ST7: variants seen among roughly 807,000 people sequenced by gnomAD.
ST7 encodes the protein suppression of tumorigenicity 7.
Under a neutral mutation model 78.7 loss-of-function variants are expected in ST7, and 28 were observed. The observed-to-expected ratio is 0.36, with a 90% CI of 0.26 to 0.49. ST7 has a LOEUF of 0.49. Ranked by LOEUF, ST7 falls within the 20% of genes least tolerant of loss-of-function variation. The pLI is 0.99. For missense variants in ST7, 418 were observed against 696.0 expected (o/e 0.60, Z 4.49); for synonymous variants, 247 against 249.6 (o/e 0.99, Z 0.10).
At chr7:116,983,588 G>T (rs1794056755) in intron 1 of ST7, among the ~76,000 whole-genome samples, 1 of 152,012 alleles carries the variant, frequency 6.6e-6, no homozygotes, top group African/African-American at 2.4e-5. Context: ...CATGCAGCCT[G>T]CCCCCTGTTC....
chr7:117,087,308 A>G (rs887977900), intron 1 of ST7, among the ~76,000 whole-genome samples: 7 of 152,316 alleles, frequency 4.6e-5, no homozygotes, highest in Non-Finnish European at 8.8e-5. Context: ...AAATAGATTT[A>G]TTTTTATTTT....
At chr7:116,989,860 T>G (rs548569897) in intron 1 of ST7, among the ~76,000 whole-genome samples, 2 of 152,316 alleles carry the variant, frequency 1.3e-5, no homozygotes, top group Non-Finnish European at 2.9e-5. Flanking sequence ...TTTTTTTTCC[T>G]TGTGTCTGGT....
Position 117,020,649 on chromosome 7 carries a change from T to C in ST7, c.151+66958T>C, listed in dbSNP as rs1358432720. ...CTTCATGTAAGTAAATGGATCCCAC[T>C]TCTCTGCTATTTAGAAATCTGCTTG... is the stretch of plus-strand genomic sequence containing the variant. On this transcript the variant is annotated intron_variant, in intron 1 of 15. Coordinates refer to ENST00000323984, the MANE Select transcript of ST7 (RefSeq NM_001369598.1). 4 of 1,550,854 alleles carry C rather than the reference T, an allele frequency of 2.6e-6. No individual in the cohort carries two copies. In the Admixed American group the frequency reaches 7.8e-5, roughly 30 times the overall value.
chr7:117,189,358 A>G lies in ST7; in HGVS notation c.1116A>G (p.Thr372=). The G allele has an allele frequency of 6.2e-7, 1 of 1,609,760 alleles. No homozygotes were observed. Among genetic ancestry groups the G allele is most frequent in the Non-Finnish European group, 8.5e-7 (1 of 1,177,680 alleles). The part of the protein sequence containing the change: ...SLPKSATICY[T]AALLKARAVS... ...CAAAGTCAGCAACAATATGCTACAC[A>G]GCTGCTTTGCTCAAAGCAAGAGCTG... Residue 372 remains threonine (T), a synonymous_variant, in exon 11 of 16, where the codon ACA becomes ACG. Coordinates refer to ENST00000323984, the MANE Select transcript of ST7 (RefSeq NM_001369598.1).
rs557772994 is a variant in ST7, at chr7:117,115,952, T to G, written c.235-3609T>G. On this transcript the variant is annotated intron_variant, in intron 2 of 15. Coordinates refer to ENST00000323984, the MANE Select transcript of ST7 (RefSeq NM_001369598.1). ...ATCCCTCCCTTTCTCTCTCCATCTC[T>G]TCATCCAACATCAACTGAATGCTTA... is the stretch of plus-strand genomic sequence containing the variant. Among the ~76,000 whole-genome samples, 50 of 152,280 alleles carry G rather than the reference T, an allele frequency of 3.3e-4. No individual in the cohort carries two copies. The Middle Eastern group carries it at 0.017, about 52-fold the overall frequency.
chr7:117,098,660 G>A, intron 1 of ST7: 1 of 466,864 alleles, frequency 2.1e-6, no homozygotes, highest in Non-Finnish European at 3.2e-6. Context: ...TGTTCATTTT[G>A]GTATATTACT....
In ST7 at chr7:117,068,103, A is replaced by G. The variant is rs150317501; in HGVS notation, c.152-31659A>G. On this transcript the variant is annotated intron_variant, in intron 1 of 15. Coordinates refer to ENST00000323984, the MANE Select transcript of ST7 (RefSeq NM_001369598.1). The stretch of plus-strand genomic sequence containing the variant: ...GGCCTCTGGAAACCTCAGTTATGCT[A>G]TAAAGAGTAAAGGGCAACATCATAT... 7.5e-3 allele frequency among the ~76,000 whole-genome samples: 1,135 copies of G among 152,318 alleles called. 11 individuals carry two copies. The highest frequency in any genetic ancestry group is 0.026 in the African/African-American group (1,060 of 41,558).
intron 13 of ST7, among the ~76,000 whole-genome samples, chr7:117,212,543 AT>A (rs770557029): frequency 1.3e-5 from 2 of 152,202 alleles, no homozygotes; most frequent in Admixed American, 6.5e-5. Flanking sequence ...ATAAAATTAT[AT>A]TTTGTTGTTT....
At chr7:117,142,742 C>G (rs1452727148) in intron 9 of ST7, among the ~76,000 whole-genome samples, 1 of 151,976 alleles carries the variant, frequency 6.6e-6, no homozygotes, top group Non-Finnish European at 1.5e-5. Context: ...CTCCCGAGTA[C>G]CTGGGACTAC....
intron 9 of ST7, among the ~76,000 whole-genome samples, chr7:117,152,197 A>ATATATATG (rs1806329530): frequency 1.4e-5 from 1 of 73,300 alleles, no homozygotes; most frequent in African/African-American, 5.3e-5. Flanking sequence ...ATATATATAT[A>ATATATATG]TATATATATA....
chr7:117,106,723 C>A (rs1239848847), intron 2 of ST7, among the ~76,000 whole-genome samples: 4 of 150,816 alleles, frequency 2.7e-5, no homozygotes, highest in Non-Finnish European at 5.9e-5. Flanking sequence ...CGGGTTCACA[C>A]CATTCTCCTG....
chr7:117,069,017 G>A (rs1035538854), intron 1 of ST7, among the ~76,000 whole-genome samples: 3 of 152,212 alleles, frequency 2.0e-5, no homozygotes, highest in Non-Finnish European at 4.4e-5. Context: ...GCACTAGCAC[G>A]TGATACTAGT....
intron 13 of ST7, 177 bp from the exon 14 acceptor site, chr7:117,218,906 GA>G (rs1332762871): frequency 5.2e-6 from 3 of 576,276 alleles, no homozygotes; most frequent in Non-Finnish European, 9.2e-6. Flanking sequence ...ATGAATGTGT[GA>G]GTAATCCATC....
intron 1 of ST7, among the ~76,000 whole-genome samples, chr7:116,986,989 GC>G (rs1794219387): frequency 6.6e-6 from 1 of 152,144 alleles, no homozygotes; most frequent in Non-Finnish European, 1.5e-5. Flanking sequence ...AATTCTCTGA[GC>G]CCTTTCACAT....
chr7:117,180,088 T>C (rs1808634697), intron 10 of ST7, among the ~76,000 whole-genome samples: 1 of 152,194 alleles, frequency 6.6e-6, no homozygotes, highest in African/African-American at 2.4e-5. Context: ...TGGGAAAACT[T>C]CTTATTTTAA....
At chr7:117,022,388 T>C (rs1412281704) in intron 1 of ST7, among the ~76,000 whole-genome samples, 2 of 152,210 alleles carry the variant, frequency 1.3e-5, no homozygotes, top group African/African-American at 2.4e-5. Context: ...TGTATACCTA[T>C]GTAACAAACC....
intron 1 of ST7, among the ~76,000 whole-genome samples, chr7:116,969,066 G>T (rs939232733): frequency 5.3e-5 from 8 of 152,352 alleles, no homozygotes; most frequent in Admixed American, 5.2e-4. Flanking sequence ...TTCGCCACAA[G>T]TGTTCATATT....
chr7:117,222,084 G>C (rs1793133602), intron 15 of ST7, 22 bp downstream of exon 15: 1 of 1,588,332 alleles, frequency 6.3e-7, no homozygotes, highest in Non-Finnish European at 8.5e-7. Context: ...CCTAGAGGGA[G>C]GCCTTGGGGA....
chr7:117,088,023 C>G (rs548004592), intron 1 of ST7, among the ~76,000 whole-genome samples: 2 of 152,200 alleles, frequency 1.3e-5, no homozygotes, highest in South Asian at 2.1e-4. Context: ...TTTGAGCCAG[C>G]ATTCTCTCCC....
Sources: allele counts gnomAD v4.1 joint callset (sites outside exome capture counted in the v4.1 genomes callset), GRCh38; gene constraint gnomAD v4.1.1; transcripts MANE v1.5; gene names NCBI Gene and HGNC (gene_info 2026-07-23, HGNC 2026-07-21).